The following RALYL variants were observed in gnomAD, a reference collection of about 807,000 sequenced individuals.
The protein encoded by RALYL is RNA-binding Raly-like protein.
Under a neutral mutation model 35.1 loss-of-function variants are expected in RALYL, and 29 were observed. That is an observed-to-expected ratio of 0.83 (90% CI 0.61 to 1.13). The LOEUF is 1.13. Ranked by LOEUF, RALYL falls within the 50% of genes most tolerant of loss-of-function variation. RALYL has a pLI of 0.00. For synonymous variants in RALYL, 120 were observed against 127.6 expected (o/e 0.94, Z 0.40); for missense variants, 359 against 360.4 (o/e 1.00, Z 0.03).
chr8:84,561,207 T>C (rs534885212), intron 2 of RALYL, among the ~76,000 whole-genome samples: 8 of 152,196 alleles, frequency 5.3e-5, no homozygotes, highest in East Asian at 1.9e-4. Context: ...ATGGCAATTT[T>C]ATGAGTGAAA....
chr8:84,325,788 T>C (rs189100878), intron 1 of RALYL, among the ~76,000 whole-genome samples: 2 of 152,340 alleles, frequency 1.3e-5, no homozygotes, highest in Non-Finnish European at 2.9e-5. Flanking sequence ...TTTTGGTCTG[T>C]GTCTCTTGTG....
chr8:84,891,354 T>C (rs1843809965), intron 8 of RALYL, among the ~76,000 whole-genome samples: 1 of 152,226 alleles, frequency 6.6e-6, no homozygotes, highest in African/African-American at 2.4e-5. Flanking sequence ...CTCTTGACTT[T>C]CTTTTTTTAC....
intron 4 of RALYL, among the ~76,000 whole-genome samples, chr8:84,813,453 A>G (rs1442068449): frequency 1.3e-5 from 2 of 152,162 alleles, no homozygotes; most frequent in African/African-American, 4.8e-5. Flanking sequence ...GTGATGATCA[A>G]ATTTATGACT....
At chr8:84,737,809 C>T (rs1847589758) in intron 2 of RALYL, among the ~76,000 whole-genome samples, 1 of 151,930 alleles carries the variant, frequency 6.6e-6, no homozygotes, top group Admixed American at 6.6e-5. Flanking sequence ...CCTCCTTCTG[C>T]CAAATGAGCA....
In RALYL at chr8:84,910,621, T is replaced by C. The variant is rs570245854; in HGVS notation, c.859-10273T>C. On this transcript the variant is annotated intron_variant, in intron 8 of 8. Coordinates refer to ENST00000521268, the MANE Select transcript of RALYL (RefSeq NM_173848.7). ...GAATTCTACATAAAAATCAATTACA[T>C]CTAAAAAGCACTTGAAAATGCTCTT... Among the ~76,000 whole-genome samples, 6 of 152,170 alleles carry C rather than the reference T, an allele frequency of 3.9e-5. No homozygotes were observed. In the South Asian group the frequency reaches 1.2e-3, roughly 32 times the overall value.
intron 4 of RALYL, among the ~76,000 whole-genome samples, chr8:84,808,828 G>A (rs1264511826): frequency 1.3e-5 from 2 of 152,090 alleles, no homozygotes; most frequent in Non-Finnish European, 2.9e-5. Flanking sequence ...GTGTGTAGCA[G>A]AACTACTGAT....
intron 1 of RALYL, among the ~76,000 whole-genome samples, chr8:84,362,054 A>C (rs1853157743): frequency 6.6e-6 from 1 of 152,184 alleles, no homozygotes; most frequent in Admixed American, 6.5e-5. Flanking sequence ...GCAGTAGAAA[A>C]TTAATAACTA....
chr8:84,679,678 A>G (rs2131950486), intron 2 of RALYL: 2 of 504,900 alleles, frequency 4.0e-6, no homozygotes, highest in Admixed American at 4.3e-5. Flanking sequence ...GAAAAATGTG[A>G]GAACTAATTC....
chr8:84,423,688 C>T (rs923530274), intron 1 of RALYL, among the ~76,000 whole-genome samples: 61 of 151,562 alleles, frequency 4.0e-4, no homozygotes, highest in Middle Eastern at 3.4e-3. Context: ...TGGCTGGTAC[C>T]GGTTGTTCCT....
chr8:84,697,447 T>A (rs1839365472), intron 2 of RALYL, among the ~76,000 whole-genome samples: 1 of 152,092 alleles, frequency 6.6e-6, no homozygotes, highest in African/African-American at 2.4e-5. Flanking sequence ...CATTCTAACC[T>A]ACTTGATTAT....
intron 2 of RALYL, among the ~76,000 whole-genome samples, chr8:84,701,692 C>G (rs1840229726): frequency 6.6e-6 from 1 of 152,090 alleles, no homozygotes; most frequent in African/African-American, 2.4e-5. Context: ...GGTACTCACC[C>G]CTGCTGCAGA....
chr8:84,306,063 C>T (rs530786137), intron 1 of RALYL, among the ~76,000 whole-genome samples: 17 of 151,890 alleles, frequency 1.1e-4, no homozygotes, highest in Middle Eastern at 6.8e-3. Flanking sequence ...ATTCGGGAGG[C>T]TGAGGCAGGA....
At chr8:84,469,978 A>T (rs892698367) in intron 1 of RALYL, among the ~76,000 whole-genome samples, 4 of 152,280 alleles carry the variant, frequency 2.6e-5, no homozygotes, top group African/African-American at 9.6e-5. Flanking sequence ...AAGTGAGGCA[A>T]TGCCTCGCCC....
chr8:84,847,030 A>G (rs1834805831), intron 4 of RALYL, among the ~76,000 whole-genome samples: 1 of 152,142 alleles, frequency 6.6e-6, no homozygotes, highest in Non-Finnish European at 1.5e-5. Flanking sequence ...ATTCCCCCAT[A>G]TACTGTATTA....
At chr8:84,740,574 C>T (rs747491585) in intron 2 of RALYL, among the ~76,000 whole-genome samples, 3 of 151,986 alleles carry the variant, frequency 2.0e-5, no homozygotes, top group Non-Finnish European at 4.4e-5. Context: ...GTGTGCAATA[C>T]AGTATTGTTA....
At chr8:84,331,472 T>G (rs1467405403) in intron 1 of RALYL, among the ~76,000 whole-genome samples, 1 of 152,128 alleles carries the variant, frequency 6.6e-6, no homozygotes, top group African/African-American at 2.4e-5. Context: ...TATCTTAGAC[T>G]GCTTACAGTC....
chr8:84,681,276 A>AT (rs1835425234), intron 2 of RALYL, among the ~76,000 whole-genome samples: 2 of 152,188 alleles, frequency 1.3e-5, no homozygotes, highest in Admixed American at 6.5e-5. Flanking sequence ...GTTTGAAGTC[A>AT]GGTAGCATGA....
chr8:84,524,080 G>C (rs1277956543), intron 1 of RALYL, among the ~76,000 whole-genome samples: 1 of 152,046 alleles, frequency 6.6e-6, no homozygotes, highest in Non-Finnish European at 1.5e-5. Flanking sequence ...AGATCCCTGA[G>C]GAATCGCCAC....
intron 6 of RALYL, among the ~76,000 whole-genome samples, chr8:84,863,785 T>TAAC (rs975870896): frequency 6.6e-6 from 1 of 152,210 alleles, no homozygotes; most frequent in Non-Finnish European, 1.5e-5. Flanking sequence ...CTAACTAAGA[T>TAAC]AACTTCAATA....
Sources: gnomAD v4.1 joint callset for allele counts (sites outside exome capture counted in the v4.1 genomes callset) on GRCh38, gnomAD v4.1.1 for gene constraint, MANE v1.5 for transcripts, NCBI Gene and HGNC (gene_info 2026-07-23, HGNC 2026-07-21) for gene names.